The following TRPM6 variants were observed in gnomAD, a reference collection of about 807,000 sequenced individuals.
TRPM6 encodes transient receptor potential cation channel subfamily M member 6, also known as channel kinase 2.
Under a neutral mutation model 247.6 loss-of-function variants are expected in TRPM6, and 111 were observed. That is an observed-to-expected ratio of 0.45 (90% CI 0.38 to 0.52). TRPM6 has a LOEUF of 0.52. Among genes scored for constraint, TRPM6 ranks in the 20% least tolerant of loss-of-function variants. The pLI is 0.00. For synonymous variants in TRPM6, 892 were observed against 853.8 expected, an observed-to-expected ratio of 1.04 and a Z score of -0.78; for missense variants, 2,126 against 2,421.5, an observed-to-expected ratio of 0.88 and a Z score of 2.56.
chr9:74,842,475 T>G, intron 3 of TRPM6, 132 bp from the exon 4 acceptor site: 1 of 933,362 alleles, frequency 1.1e-6, no homozygotes, highest in Non-Finnish European at 1.7e-6. Context: ...TTATATTAAA[T>G]TTCTAACATA....
intron 1 of TRPM6, 65 bp downstream of exon 1, chr9:74,887,759 G>C (rs1204936991): frequency 1.7e-5 from 27 of 1,613,900 alleles, no homozygotes; most frequent in Non-Finnish European, 2.3e-5. Flanking sequence ...TCTAAGGCCG[G>C]GGGCGCAGAT....
chr9:74,850,028 G>A (rs533460693), intron 3 of TRPM6, among the ~76,000 whole-genome samples: 1 of 152,364 alleles, frequency 6.6e-6, no homozygotes, highest in African/African-American at 2.4e-5. Context: ...AGCACATGGT[G>A]AGAAGTTACA....
chr9:74,837,610 C>T (rs1026161923), intron 5 of TRPM6, among the ~76,000 whole-genome samples: 3 of 152,060 alleles, frequency 2.0e-5, no homozygotes, highest in Non-Finnish European at 4.4e-5. Context: ...CCACACTCGG[C>T]TAATTTTTTG....
At chr9:74,796,102 T>G (rs960593037) in intron 18 of TRPM6, among the ~76,000 whole-genome samples, 1 of 152,200 alleles carries the variant, frequency 6.6e-6, no homozygotes, top group African/African-American at 2.4e-5. Context: ...CCATCAAAAG[T>G]GCTGCCTCCA....
rs567311244 is a variant in TRPM6, at chr9:74,727,913, C to T, written c.5935+326G>A. 3.3e-5 allele frequency among the ~76,000 whole-genome samples: 5 copies of T among 152,092 alleles called. No homozygotes were observed. In the South Asian group the frequency reaches 1.0e-3, roughly 32 times the overall value. ...CTGTGGCCATCCGCAGCTGGCAGGA[C>T]CCAAATGTGGGGGGTGGGGCGGGGG... On this transcript the variant is annotated intron_variant, in intron 38 of 38. Coordinates refer to ENST00000360774, the MANE Select transcript of TRPM6 (RefSeq NM_017662.5).
At chr9:74,883,127 A>G (rs1360587179) in intron 1 of TRPM6, among the ~76,000 whole-genome samples, 1 of 152,034 alleles carries the variant, frequency 6.6e-6, no homozygotes, top group African/African-American at 2.4e-5. Flanking sequence ...TCTTTTTGTG[A>G]CTGGTTTATT....
At chr9:74,804,939 CT>C (rs200109737) in intron 14 of TRPM6, among the ~76,000 whole-genome samples, 2,848 of 152,054 alleles carry the variant, frequency 0.019, 82 homozygotes, top group African/African-American at 0.063. Flanking sequence ...AGAGGGAGAA[CT>C]TTTTAATAGA....
intron 38 of TRPM6, among the ~76,000 whole-genome samples, chr9:74,727,042 C>T (rs1219748396): frequency 2.0e-5 from 3 of 152,096 alleles, no homozygotes; most frequent in African/African-American, 7.2e-5. Context: ...CCACTATATT[C>T]CCAGTGGAAC....
chr9:74,835,697 T>A (rs1349791179), intron 5 of TRPM6, among the ~76,000 whole-genome samples: 3 of 152,158 alleles, frequency 2.0e-5, no homozygotes, highest in Non-Finnish European at 4.4e-5. Context: ...AAATAAATTG[T>A]CCAAGGTTTG....
intron 35 of TRPM6, 79 bp from the exon 36 acceptor site, chr9:74,738,691 G>A (rs1486011138): frequency 2.4e-6 from 3 of 1,252,204 alleles, no homozygotes; most frequent in Non-Finnish European, 2.3e-6. Context: ...TCATCAGCAG[G>A]GAAGATTACC....
At chr9:74,751,090 G>A (rs569099056) in intron 29 of TRPM6, among the ~76,000 whole-genome samples, 3 of 152,154 alleles carry the variant, frequency 2.0e-5, no homozygotes, top group Admixed American at 1.3e-4. Flanking sequence ...AAAAATGAAA[G>A]TACAAGTTGA....
At chr9:74,841,027 T>C (rs1399478208) in intron 4 of TRPM6, among the ~76,000 whole-genome samples, 1 of 152,176 alleles carries the variant, frequency 6.6e-6, no homozygotes, top group East Asian at 1.9e-4. Context: ...ATTAAGATTC[T>C]AGAGCATGGA....
At chr9:74,753,835 T>C (rs1826348236) in intron 28 of TRPM6, among the ~76,000 whole-genome samples, 1 of 152,102 alleles carries the variant, frequency 6.6e-6, no homozygotes, top group South Asian at 2.1e-4. Flanking sequence ...CTGGATGTGG[T>C]TCAAGAAAGA....
chr9:74,745,973 G>C (rs1826031349), intron 31 of TRPM6, among the ~76,000 whole-genome samples: 1 of 152,154 alleles, frequency 6.6e-6, no homozygotes, highest in Non-Finnish European at 1.5e-5. Flanking sequence ...CCAGGCGCGG[G>C]GGCCCACGCC....
intron 8 of TRPM6, 136 bp downstream of exon 8, chr9:74,821,533 G>C: frequency 9.5e-7 from 1 of 1,048,356 alleles, no homozygotes; most frequent in Non-Finnish European, 1.5e-6. Flanking sequence ...AACAAACACA[G>C]TCACTGAGAA....
intron 19 of TRPM6, among the ~76,000 whole-genome samples, chr9:74,789,960 CA>C (rs71368680): frequency 8.2e-3 from 534 of 65,064 alleles, no homozygotes; most frequent in African/African-American, 0.031. Context: ...GACTCCATCT[CA>C]AAAAAAAAAA....
intron 4 of TRPM6, 52 bp downstream of exon 4, chr9:74,842,114 A>G (rs1290541700): frequency 1.2e-5 from 12 of 983,352 alleles, no homozygotes; most frequent in Non-Finnish European, 1.3e-5. Context: ...CCCGTCTCGA[A>G]AAAAAAAAAA....
chr9:74,849,148 G>A lies in TRPM6; in HGVS notation c.152+6379C>T, dbSNP rs1258768646. 2.0e-5 allele frequency among the ~76,000 whole-genome samples: 3 copies of A among 152,128 alleles called. No homozygotes were observed. In the East Asian group the frequency reaches 5.8e-4, roughly 29 times the overall value. Reference sequence around the variant, plus strand: ...GCAGATCACCTGAGGTCAGGAGTTCGAGACCAACCTGGCCAACATGGCGAA... The same window carrying A: ...GCAGATCACCTGAGGTCAGGAGTTCAAGACCAACCTGGCCAACATGGCGAA... On this transcript the variant is annotated intron_variant, in intron 3 of 38. Coordinates refer to ENST00000360774, the MANE Select transcript of TRPM6 (RefSeq NM_017662.5).
chr9:74,882,730 T>C (rs1831402113), intron 1 of TRPM6, among the ~76,000 whole-genome samples: 1 of 152,162 alleles, frequency 6.6e-6, no homozygotes, highest in Non-Finnish European at 1.5e-5. Context: ...AAAATGGAAT[T>C]ACCATTCAAT....
Sources: gnomAD v4.1 joint callset for allele counts (sites outside exome capture counted in the v4.1 genomes callset) on GRCh38, gnomAD v4.1.1 for gene constraint, MANE v1.5 for transcripts, NCBI Gene and HGNC (gene_info 2026-07-23, HGNC 2026-07-21) for gene names.